COBL: variants seen among roughly 807,000 people sequenced by gnomAD.
COBL encodes the protein cordon-bleu WH2 repeat protein.
Under a neutral mutation model 98.8 loss-of-function variants are expected in COBL, and 51 were observed. The ratio of observed to expected loss-of-function variants is 0.52; its 90% confidence interval spans 0.41 to 0.65. The LOEUF (loss-of-function observed/expected upper bound fraction) is 0.65. COBL is among the 30% of genes least tolerant of loss of function. The pLI is 0.00. For synonymous variants in COBL, 634 were observed against 651.7 expected (o/e 0.97, Z 0.41); for missense variants, 1,617 against 1,617.5 (o/e 1.00, Z 0.01).
rs1169269948 is a variant in COBL at position 51,026,669 on chromosome 7, G to T, written c.3385-4C>A. ...CCTCCCCGGTGTGTTCTGCCGTCTA[G>T]AATATTAACAGTGTCACACATTTCA... On this transcript the variant is annotated splice_region_variant and splice_polypyrimidine_tract_variant and intron_variant, in intron 10 of 12. Coordinates refer to ENST00000265136, the MANE Select transcript of COBL (RefSeq NM_015198.5). The T allele has an allele frequency of 1.9e-6, 3 of 1,613,236 alleles. No homozygotes were observed. Among genetic ancestry groups the T allele is most frequent in the Non-Finnish European group, 2.5e-6 (3 of 1,179,590 alleles).
chr7:51,226,863 T>G (rs1229800168), intron 1 of COBL, among the ~76,000 whole-genome samples: 1 of 152,184 alleles, frequency 6.6e-6, no homozygotes, highest in Non-Finnish European at 1.5e-5. Context: ...CCCTGGCAAC[T>G]TCATATGCAA....
intron 1 of COBL, among the ~76,000 whole-genome samples, chr7:51,223,035 G>A (rs1433438066): frequency 6.6e-6 from 1 of 152,216 alleles, no homozygotes. Context: ...GTGGAGTCAC[G>A]TGAATCACAT....
chr7:51,311,567 G>A (rs1376390515), intron 1 of COBL, among the ~76,000 whole-genome samples: 1 of 152,188 alleles, frequency 6.6e-6, no homozygotes, highest in Non-Finnish European at 1.5e-5. Context: ...ATTCCAGCAA[G>A]AGACAGATGA....
At position 51,219,845 on chromosome 7, in the gene COBL, C is replaced by A. The variant is rs115321263; in HGVS notation, c.141G>T (p.Ser47=). 2.5e-6 allele frequency: 4 copies of A among 1,613,814 alleles called. 1 individual carries two copies. The highest frequency in any genetic ancestry group is 2.7e-5 in the African/African-American group (2 of 74,878). Residue 47 remains serine, a synonymous_variant, in exon 2 of 13, where the codon TCG becomes TCT. Transcript: ENST00000265136. ...CCTTCATGCGAACCAAGTTCTGCTG[C>A]GACCCGAGGGCCCCATCGTGGGGGG... ...QKPPHDGALG[S]QQNLVRMKEA... is the part of the protein sequence containing the mutation.
intron 6 of COBL, among the ~76,000 whole-genome samples, chr7:51,096,890 C>A (rs1163675401): frequency 6.6e-6 from 1 of 152,154 alleles, no homozygotes; most frequent in Admixed American, 6.5e-5. Context: ...AACCAGATGG[C>A]TTCAATGGAG....
chr7:51,177,963 T>C (rs1278912927), intron 5 of COBL, among the ~76,000 whole-genome samples: 3 of 152,074 alleles, frequency 2.0e-5, no homozygotes, highest in Middle Eastern at 3.4e-3. Context: ...CTGGCCAATA[T>C]GGTGAAACCC....
Position 51,178,122 on chromosome 7 carries a change from G to C in COBL, c.783+5980C>G, listed in dbSNP as rs1294455585. On this transcript the variant is annotated intron_variant, in intron 5 of 12. Transcript: ENST00000265136. ...GATCATGCCATTGCATTCCAGGCTG[G>C]GCAACAAGAGTGAAACACACTCTCT... Among the ~76,000 whole-genome samples, 3 of 151,874 alleles carry C rather than the reference G, an allele frequency of 2.0e-5. No individual in the cohort carries two copies. The South Asian group carries it at 6.2e-4, about 32-fold the overall frequency.
intron 1 of COBL, among the ~76,000 whole-genome samples, chr7:51,270,061 C>G (rs1441294310): frequency 6.6e-6 from 1 of 152,114 alleles, no homozygotes; most frequent in African/African-American, 2.4e-5. Context: ...ATTTATATGC[C>G]CTGAAATGGA....
chr7:51,279,330 C>T lies in COBL; in HGVS notation c.41+37263G>A, dbSNP rs1434361649. On this transcript the variant is annotated intron_variant, in intron 1 of 12. Transcript: ENST00000265136. ...GAATGGGTGGCATTTACTCCATGTA[C>T]TTCCAACGTGCATTATACTTTCTTT... is the stretch of plus-strand genomic sequence containing the variant. 2.0e-5 allele frequency among the ~76,000 whole-genome samples: 3 copies of T among 152,240 alleles called. No individual in the cohort carries two copies. In the East Asian group the frequency reaches 5.8e-4, roughly 29 times the overall value.
At chr7:51,127,639 G>A (rs1360051997) in intron 6 of COBL, among the ~76,000 whole-genome samples, 1 of 152,162 alleles carries the variant, frequency 6.6e-6, no homozygotes. Context: ...GGCCCCAAAA[G>A]ACATAGGAAC....
chr7:51,234,154 G>A (rs746835753), intron 1 of COBL, among the ~76,000 whole-genome samples: 2 of 152,150 alleles, frequency 1.3e-5, no homozygotes, highest in African/African-American at 4.8e-5. Flanking sequence ...TTAATTCTCC[G>A]TTGAAAATAT....
chr7:51,186,250 C>T (rs993800814), intron 4 of COBL, among the ~76,000 whole-genome samples: 24 of 151,458 alleles, frequency 1.6e-4, no homozygotes, highest in Non-Finnish European at 3.0e-4. Context: ...CACGAACTGA[C>T]GATGGGGTTA....
chr7:51,244,470 G>A (rs1318535441), intron 1 of COBL, among the ~76,000 whole-genome samples: 2 of 148,008 alleles, frequency 1.4e-5, no homozygotes, highest in Admixed American at 6.8e-5. Flanking sequence ...CTTCAATTAG[G>A]GAACTCTATA....
At position 51,085,190 on chromosome 7, in the gene COBL, C is replaced by T; in HGVS notation, c.1072G>A (p.Glu358Lys). 6.2e-7 allele frequency: 1 copy of T among 1,614,036 alleles called. No homozygotes were observed. The highest frequency in any genetic ancestry group is 8.5e-7 in the Non-Finnish European group (1 of 1,180,020). ...PLIPNRTEDK[E>K]ENRKSTMVSL... is the part of the protein sequence containing the mutation. ...CCCATCGTGCTCTTCCTGTTCTCCT[C>T]CTTATCCTCAGTGCGGTTGGGGATC... The change falls in exon 7 of 13, where the codon GAG becomes AAG. Residue 358 changes from glutamate to lysine, a missense_variant. Transcript: ENST00000265136.
chr7:51,258,219 T>G (rs1404203044), intron 1 of COBL, among the ~76,000 whole-genome samples: 1 of 152,242 alleles, frequency 6.6e-6, no homozygotes, highest in Non-Finnish European at 1.5e-5. Context: ...ATACTTTTTT[T>G]TTTGAAGAGA....
At chr7:51,168,169 A>G (rs991076812) in intron 5 of COBL, among the ~76,000 whole-genome samples, 2 of 152,218 alleles carry the variant, frequency 1.3e-5, no homozygotes, top group Non-Finnish European at 2.9e-5. Context: ...CTCATCTGAC[A>G]AGGGATTAAT....
At chr7:51,192,433 C>G (rs1022076167) in intron 3 of COBL, among the ~76,000 whole-genome samples, 3 of 152,064 alleles carry the variant, frequency 2.0e-5, no homozygotes, top group Non-Finnish European at 4.4e-5. Context: ...CATGGTGAAA[C>G]CTTGTCTCTA....
At chr7:51,044,785 T>C (rs1789530470) in intron 7 of COBL, among the ~76,000 whole-genome samples, 1 of 152,170 alleles carries the variant, frequency 6.6e-6, no homozygotes, top group African/African-American at 2.4e-5. Flanking sequence ...GACATCACAA[T>C]TGCACTCAAC....
chr7:51,246,193 T>C (rs1796257378), intron 1 of COBL, among the ~76,000 whole-genome samples: 1 of 152,176 alleles, frequency 6.6e-6, no homozygotes, highest in South Asian at 2.1e-4. Flanking sequence ...AGTTTCCTAC[T>C]TGAAATAAAA....
Sources: allele counts gnomAD v4.1 joint callset (sites outside exome capture counted in the v4.1 genomes callset), GRCh38; gene constraint gnomAD v4.1.1; transcripts MANE v1.5; gene names NCBI Gene and HGNC (gene_info 2026-07-23, HGNC 2026-07-21).